The following GALNTL6 variants were observed in gnomAD, a reference collection of about 807,000 sequenced individuals.
GALNTL6 encodes polypeptide N-acetylgalactosaminyltransferase like 6.
GALNTL6 carries 46 observed loss-of-function variants against 73.7 expected under a neutral mutation model. The ratio of observed to expected loss-of-function variants is 0.62; its 90% CI spans 0.49 to 0.80. The LOEUF (loss-of-function observed/expected upper bound fraction) is 0.80, where lower values mean the gene tolerates loss of function less well. GALNTL6 is among the 30% of genes least tolerant of loss of function. The pLI is 0.00. For missense variants in GALNTL6, 604 were observed against 755.0 expected, an observed-to-expected ratio of 0.80 and a Z score of 2.34; for synonymous variants, 259 against 263.7, an observed-to-expected ratio of 0.98 and a Z score of 0.17.
chr4:171,889,821 G>T (rs1736711681), intron 2 of GALNTL6, among the ~76,000 whole-genome samples: 1 of 152,058 alleles, frequency 6.6e-6, no homozygotes, highest in Admixed American at 6.6e-5. Context: ...GTTTATAGCA[G>T]AGCAGTTGCA....
intron 3 of GALNTL6, among the ~76,000 whole-genome samples, chr4:172,260,873 G>GT (rs1738234474): frequency 6.6e-6 from 1 of 151,382 alleles, no homozygotes; most frequent in African/African-American, 2.4e-5. Context: ...TACAATTTCT[G>GT]TTTTTAATTC....
intron 5 of GALNTL6, among the ~76,000 whole-genome samples, chr4:172,789,874 C>A (rs1739894799): frequency 6.6e-6 from 1 of 152,150 alleles, no homozygotes; most frequent in Non-Finnish European, 1.5e-5. Flanking sequence ...AACATTATAA[C>A]AAAAGACTCT....
intron 2 of GALNTL6, among the ~76,000 whole-genome samples, chr4:172,166,875 G>T (rs924934246): frequency 6.6e-6 from 1 of 152,172 alleles, no homozygotes; most frequent in African/African-American, 2.4e-5. Context: ...ATCATGGTTT[G>T]TTAGATGTTT....
At chr4:172,060,473 A>C (rs562772668) in intron 2 of GALNTL6, among the ~76,000 whole-genome samples, 7 of 152,336 alleles carry the variant, frequency 4.6e-5, no homozygotes, top group African/African-American at 1.4e-4. Context: ...ATAACCAAAA[A>C]AATTTTAACA....
intron 3 of GALNTL6, among the ~76,000 whole-genome samples, chr4:172,271,090 G>C (rs939146888): frequency 1.3e-5 from 2 of 152,064 alleles, no homozygotes; most frequent in Non-Finnish European, 2.9e-5. Context: ...CAAATGAAGT[G>C]CTTTTCAATT....
At chr4:172,784,185 G>A (rs1477504634) in intron 5 of GALNTL6, among the ~76,000 whole-genome samples, 1 of 151,974 alleles carries the variant, frequency 6.6e-6, no homozygotes, top group East Asian at 1.9e-4. Flanking sequence ...GCAGACAGAA[G>A]TTTCAGTACA....
At chr4:172,892,160 G>T (rs1165938468) in intron 8 of GALNTL6, among the ~76,000 whole-genome samples, 1 of 152,216 alleles carries the variant, frequency 6.6e-6, no homozygotes, top group African/African-American at 2.4e-5. Flanking sequence ...ACATTTCAAT[G>T]TGGTTAGGAT....
intron 2 of GALNTL6, among the ~76,000 whole-genome samples, chr4:172,147,888 T>G (rs1733968492): frequency 6.6e-6 from 1 of 152,186 alleles, no homozygotes; most frequent in South Asian, 2.1e-4. Flanking sequence ...TCCATGCTTC[T>G]GCAAATAACA....
At chr4:172,657,448 A>C (rs1005914662) in intron 5 of GALNTL6, among the ~76,000 whole-genome samples, 1 of 151,588 alleles carries the variant, frequency 6.6e-6, no homozygotes, top group African/African-American at 2.4e-5. Context: ...ATTTTTTACC[A>C]ATCAGTCTTT....
chr4:172,891,369 A>G (rs1256517223), intron 8 of GALNTL6, among the ~76,000 whole-genome samples: 1 of 152,134 alleles, frequency 6.6e-6, no homozygotes, highest in Admixed American at 6.5e-5. Context: ...GTAGTAGCAA[A>G]TTACCTCTCT....
At chr4:172,311,995 A>T (rs1740380275) in intron 4 of GALNTL6, among the ~76,000 whole-genome samples, 1 of 152,206 alleles carries the variant, frequency 6.6e-6, no homozygotes, top group Admixed American at 6.5e-5. Context: ...GTGTTAACTC[A>T]TTAACATAAA....
At chr4:172,173,578 G>C (rs984927208) in intron 2 of GALNTL6, among the ~76,000 whole-genome samples, 10 of 152,192 alleles carry the variant, frequency 6.6e-5, no homozygotes, top group African/African-American at 2.4e-4. Flanking sequence ...GAATCTCTCT[G>C]AAATGAATTA....
intron 5 of GALNTL6, among the ~76,000 whole-genome samples, chr4:172,677,046 A>T (rs1356416166): frequency 5.3e-5 from 8 of 152,070 alleles, no homozygotes; most frequent in African/African-American, 1.9e-4. Context: ...GGATCAACTT[A>T]CTACTGTCCT....
chr4:172,996,888 C>T (rs916363423), intron 10 of GALNTL6, among the ~76,000 whole-genome samples: 1 of 152,060 alleles, frequency 6.6e-6, no homozygotes, highest in African/African-American at 2.4e-5. Flanking sequence ...GAGCCTCTTG[C>T]AAAGGTTAGG....
intron 12 of GALNTL6, 28 bp from the exon 13 acceptor site, chr4:173,039,905 T>C: frequency 6.3e-7 from 1 of 1,585,292 alleles, no homozygotes; most frequent in South Asian, 1.2e-5. Context: ...ATTACAACAG[T>C]CTTTTCTTTT....
At chr4:172,168,335 G>A (rs989564134) in intron 2 of GALNTL6, among the ~76,000 whole-genome samples, 3 of 152,182 alleles carry the variant, frequency 2.0e-5, no homozygotes, top group Admixed American at 2.0e-4. Flanking sequence ...AGGCTGGAGT[G>A]CAGTGGCAAA....
At chr4:172,206,699 G>A (rs1736120848) in intron 2 of GALNTL6, among the ~76,000 whole-genome samples, 1 of 151,848 alleles carries the variant, frequency 6.6e-6, no homozygotes, top group East Asian at 1.9e-4. Flanking sequence ...CTAGACAGAG[G>A]AGAGAACAGA....
At chr4:172,155,778 G>A (rs142118025) in intron 2 of GALNTL6, among the ~76,000 whole-genome samples, 37 of 151,892 alleles carry the variant, frequency 2.4e-4, no homozygotes, top group African/African-American at 7.7e-4. Flanking sequence ...TTTACTCTTC[G>A]CTTATTTTTT....
At chr4:172,395,469 G>A (rs937614879) in intron 5 of GALNTL6, among the ~76,000 whole-genome samples, 2 of 151,910 alleles carry the variant, frequency 1.3e-5, no homozygotes, top group African/African-American at 4.8e-5. Context: ...TTGTTACCTT[G>A]TGACCTTTAG....
Sources: allele counts gnomAD v4.1 joint callset (sites outside exome capture counted in the v4.1 genomes callset), GRCh38; gene constraint gnomAD v4.1.1; transcripts MANE v1.5; gene names NCBI Gene and HGNC (gene_info 2026-07-23, HGNC 2026-07-21).